The following PCDHA12 variants were observed in gnomAD, a reference collection of about 807,000 sequenced individuals.
The protein encoded by PCDHA12 is protocadherin alpha-12.
In PCDHA12, 44 loss-of-function variants were observed where a neutral mutation model predicts 60.0. The observed-to-expected ratio is 0.73, with a 90% CI of 0.58 to 0.94. The LOEUF (loss-of-function observed/expected upper bound fraction) is 0.94. PCDHA12 is among the 40% of genes least tolerant of loss of function. The pLI, the probability that PCDHA12 is intolerant of heterozygous loss-of-function variation, is 0.00. For missense variants in PCDHA12, 1,276 were observed against 1,239.7 expected (o/e 1.03, Z -0.44); for synonymous variants, 569 against 553.0 (o/e 1.03, Z -0.40).
chr5:140,931,659 G>A (rs1554208521), intron 1 of PCDHA12, among the ~76,000 whole-genome samples: 1 of 151,694 alleles, frequency 6.6e-6, no homozygotes, highest in Non-Finnish European at 1.5e-5. Flanking sequence ...GTTGTGGGCT[G>A]GATATTTCCT....
At position 140,876,963 on chromosome 5, in the gene PCDHA12, G is replaced by A; in HGVS notation, c.1491G>A (p.Arg497=). 6.2e-7 allele frequency: 1 copy of A among 1,613,068 alleles called. No homozygotes were observed. Among genetic ancestry groups the A allele is most frequent in the Middle Eastern group, 1.8e-4 (1 of 5,526 alleles). The part of the protein sequence containing the change: ...NALVSYSLVE[R]RVGEHALSSY... ...TGGTGTCCTACTCGCTGGTGGAGCG[G>A]CGGGTGGGCGAGCACGCACTGTCGA... The change falls in exon 1 of 4, where the codon CGG becomes CGA. Residue 497 remains arginine (R), a synonymous_variant. Coordinates refer to ENST00000398631, the MANE Select transcript of PCDHA12 (RefSeq NM_018903.4).
intron 1 of PCDHA12, chr5:140,884,356 C>T: frequency 6.2e-7 from 1 of 1,613,936 alleles, no homozygotes; most frequent in South Asian, 1.1e-5. Flanking sequence ...TGGTGGATGT[C>T]AATGTTTACT....
At chr5:140,883,697 G>A (rs376619145) in intron 1 of PCDHA12, 3 of 1,613,880 alleles carry the variant, frequency 1.9e-6, no homozygotes, top group South Asian at 1.1e-5. Flanking sequence ...CATCTTCACG[G>A]TGTCTGCTCA....
At chr5:140,926,979 G>A (rs782354889) in intron 1 of PCDHA12, 1 of 1,610,590 alleles carries the variant, frequency 6.2e-7, no homozygotes. Flanking sequence ...TGCCGGAGGA[G>A]ACGGAGCGGG....
In PCDHA12 at chr5:140,876,378, T is replaced by G. The variant is rs1554168503; in HGVS notation, c.906T>G (p.Ile302Met). The G allele has an allele frequency of 6.2e-7, 1 of 1,613,948 alleles. No individual in the cohort carries two copies. Residue 302 changes from isoleucine (I) to methionine (M), a missense_variant, in exon 1 of 4, where the codon ATT (isoleucine) becomes ATG (methionine). Transcript: ENST00000398631. ...MFSINPDTGE[I>M]RIYGELDFEE... The stretch of plus-strand genomic sequence containing the variant: ...CAATAAATCCAGACACAGGTGAAAT[T>G]AGAATTTATGGTGAACTGGATTTTG...
At position 140,875,955 on chromosome 5, in the gene PCDHA12, T is replaced by C; in HGVS notation, c.483T>C (p.Asp161=). The C allele has an allele frequency of 6.2e-7, 1 of 1,614,158 alleles. No homozygotes were observed. The highest frequency in any genetic ancestry group is 1.3e-5 in the African/African-American group (1 of 75,068). The change falls in exon 1 of 4, where the codon GAT becomes GAC. Residue 161 remains aspartate, a synonymous_variant. Transcript: ENST00000398631. ...CTCTAGAGGGCGCTTCTGATGCGGA[T>C]ATCGGCGTAAACTCTCTTTTGACCT... ...HFPLEGASDA[D]IGVNSLLTYA...
Position 140,876,898 on chromosome 5 carries a change from A to G in PCDHA12, c.1426A>G (p.Thr476Ala), listed in dbSNP as rs2056678585. 38 of 1,614,056 alleles carry G rather than the reference A, an allele frequency of 2.4e-5. No homozygotes were observed. Among genetic ancestry groups the G allele is most frequent in the Non-Finnish European group, 3.1e-5 (37 of 1,179,984 alleles). Residue 476 changes from threonine to alanine, a missense_variant, in exon 1 of 4, where the codon ACG becomes GCG. Transcript: ENST00000398631. Reference protein sequence around the residue: ...ENNPPGCHIFTVSAWDADAQK... With the variant: ...ENNPPGCHIFAVSAWDADAQK... ...CAACCCGCCGGGCTGCCACATCTTC[A>G]CGGTGTCGGCATGGGACGCGGACGC...
At chr5:140,975,027 C>G (rs1235916815) in intron 1 of PCDHA12, among the ~76,000 whole-genome samples, 1 of 152,082 alleles carries the variant, frequency 6.6e-6, no homozygotes, top group Non-Finnish European at 1.5e-5. Flanking sequence ...GCTGTGTTGT[C>G]CTTTGCAGGC....
chr5:140,951,046 TA>T (rs1414168325), intron 1 of PCDHA12, among the ~76,000 whole-genome samples: 1 of 152,138 alleles, frequency 6.6e-6, no homozygotes, highest in Non-Finnish European at 1.5e-5. Context: ...ATTATATTTT[TA>T]TTGCTAAAAT....
chr5:140,989,509 T>G (rs1554250840), intron 3 of PCDHA12, among the ~76,000 whole-genome samples: 1 of 152,196 alleles, frequency 6.6e-6, no homozygotes, highest in African/African-American at 2.4e-5. Context: ...GCTTATAACC[T>G]GAGTTGAGGG....
intron 3 of PCDHA12, among the ~76,000 whole-genome samples, chr5:140,998,365 A>G (rs1434602564): frequency 6.6e-6 from 1 of 152,142 alleles, no homozygotes; most frequent in African/African-American, 2.4e-5. Context: ...ACCACTGCAC[A>G]CACCGTCTCT....
intron 1 of PCDHA12, among the ~76,000 whole-genome samples, chr5:140,916,262 G>C (rs1379588605): frequency 6.6e-6 from 1 of 152,202 alleles, no homozygotes; most frequent in Non-Finnish European, 1.5e-5. Flanking sequence ...GACCCCAAGA[G>C]CATGCTTGTT....
Position 140,887,082 on chromosome 5 carries a change from CT to C in PCDHA12, c.2367+9244del, listed in dbSNP as rs781992332. On this transcript the variant is annotated intron_variant, in intron 1 of 3. Coordinates refer to ENST00000398631, the MANE Select transcript of PCDHA12 (RefSeq NM_018903.4). Reference sequence around the variant, plus strand: ...GGCAACAAATTCACTCAGCTTTTGTCTGAGAAATATCTTTATCTCTTTTTTT... The same window carrying C: ...GGCAACAAATTCACTCAGCTTTTGTCGAGAAATATCTTTATCTCTTTTTTT... 2.0e-5 allele frequency among the ~76,000 whole-genome samples: 3 copies of C among 151,694 alleles called. No individual in the cohort carries two copies. The East Asian group carries it at 5.8e-4, about 29-fold the overall frequency.
intron 1 of PCDHA12, among the ~76,000 whole-genome samples, chr5:140,898,316 G>T (rs1487888782): frequency 6.6e-6 from 1 of 152,168 alleles, no homozygotes; most frequent in Non-Finnish European, 1.5e-5. Flanking sequence ...GGTTTTTATG[G>T]TTTTGGGTCT....
At chr5:140,960,483 T>G (rs1554224788) in intron 1 of PCDHA12, among the ~76,000 whole-genome samples, 1 of 151,978 alleles carries the variant, frequency 6.6e-6, no homozygotes, top group Non-Finnish European at 1.5e-5. Flanking sequence ...TACACAGAGG[T>G]GTAGGTTTGT....
At chr5:140,966,744 T>A in intron 1 of PCDHA12, 1 of 1,424,124 alleles carries the variant, frequency 7.0e-7, no homozygotes. Flanking sequence ...CCTGCCCGGC[T>A]GCCTCCGCCG....
At chr5:140,999,638 CTG>C (rs2097866913) in intron 3 of PCDHA12, among the ~76,000 whole-genome samples, 1 of 152,170 alleles carries the variant, frequency 6.6e-6, no homozygotes, top group Non-Finnish European at 1.5e-5. Flanking sequence ...GTAGAGAAAA[CTG>C]TGCAGCCTGA....
At chr5:140,958,746 G>C (rs946339571) in intron 1 of PCDHA12, among the ~76,000 whole-genome samples, 1 of 152,066 alleles carries the variant, frequency 6.6e-6, no homozygotes, top group African/African-American at 2.4e-5. Flanking sequence ...AGAGAGAAAG[G>C]AGATTTTTAC....
intron 1 of PCDHA12, among the ~76,000 whole-genome samples, chr5:140,889,657 C>T (rs1411654885): frequency 2.0e-5 from 3 of 152,128 alleles, no homozygotes; most frequent in African/African-American, 7.2e-5. Context: ...GAGATGTCCT[C>T]TTCCCAGCCT....
Sources: gnomAD v4.1 joint callset for allele counts (sites outside exome capture counted in the v4.1 genomes callset) on GRCh38, gnomAD v4.1.1 for gene constraint, MANE v1.5 for transcripts, NCBI Gene and HGNC (gene_info 2026-07-23, HGNC 2026-07-21) for gene names.